Variants in PHC3 observed in about 807,000 individuals in gnomAD.
The protein encoded by PHC3 is polyhomeotic-like protein 3.
A neutral mutation model predicts 107.4 loss-of-function variants in PHC3; 13 were observed. The observed-to-expected ratio is 0.12, with a 90% confidence interval of 0.08 to 0.19. The LOEUF is 0.19. Among genes scored for constraint, PHC3 ranks in the 10% least tolerant of loss-of-function variants. PHC3 has a pLI of 1.00. For missense variants in PHC3, 992 were observed against 1,210.9 expected (o/e 0.82, Z 2.68); for synonymous variants, 456 against 427.4 (o/e 1.07, Z -0.83).
intron 11 of PHC3, among the ~76,000 whole-genome samples, chr3:170,107,447 T>C (rs1377163253): frequency 6.6e-6 from 1 of 152,108 alleles, no homozygotes; most frequent in African/African-American, 2.4e-5. Flanking sequence ...TGCAAAATAA[T>C]TAACTCTCTC....
At chr3:170,126,526 ATAT>A (rs1388134408) in intron 8 of PHC3, among the ~76,000 whole-genome samples, 1,500 of 84,162 alleles carry the variant, frequency 0.018, 24 homozygotes, top group African/African-American at 0.063. Context: ...ATATATATAT[ATAT>A]TTTTTTTTTT....
chr3:170,146,690 G>A (rs1378643286), intron 5 of PHC3, among the ~76,000 whole-genome samples: 5 of 149,190 alleles, frequency 3.4e-5, no homozygotes, highest in Non-Finnish European at 3.0e-5. Flanking sequence ...ACGCCACAAC[G>A]CCCGGCTAAT....
In PHC3 at chr3:170,145,454, G is replaced by A. The variant is rs548261835; in HGVS notation, c.641C>T (p.Ser214Leu). ...QSDIPVVSSS[S>L]SSSCQSAATQ... ...AGCTGCAGACTGACAGGAAGATGAC[G>A]ATGACGACGAGACAACAGGAATGTC... The change falls in exon 6 of 15, where the codon TCG (serine) becomes TTG (leucine). Residue 214 changes from serine (S) to leucine (L), a missense_variant. Coordinates refer to ENST00000495893, the MANE Select transcript of PHC3 (RefSeq NM_024947.4). 6 of 1,613,630 alleles carry A rather than the reference G, an allele frequency of 3.7e-6. No individual in the cohort carries two copies. Among genetic ancestry groups the A allele is most frequent in the East Asian group, 2.2e-5 (1 of 44,874 alleles).
chr3:170,150,696 G>A (rs867230729), intron 4 of PHC3: 1 of 423,290 alleles, frequency 2.4e-6, no homozygotes, highest in Middle Eastern at 3.8e-4. Context: ...CTGGGCGACA[G>A]AGCGACACTC....
chr3:170,116,145 A>G (rs1718925660), intron 10 of PHC3, among the ~76,000 whole-genome samples: 1 of 152,196 alleles, frequency 6.6e-6, no homozygotes, highest in African/African-American at 2.4e-5. Flanking sequence ...CTTCATTTTG[A>G]GCGGGACATT....
chr3:170,102,333 T>C (rs1003212831), intron 14 of PHC3, 146 bp downstream of exon 14: 1 of 1,452,046 alleles, frequency 6.9e-7, no homozygotes, highest in Non-Finnish European at 9.0e-7. Context: ...AGGAAACAGA[T>C]CATATTTCAA....
intron 11 of PHC3, among the ~76,000 whole-genome samples, chr3:170,112,219 AT>A (rs996475015): frequency 4.0e-5 from 6 of 148,282 alleles, no homozygotes; most frequent in Admixed American, 6.7e-5. Flanking sequence ...ACTTTATTTC[AT>A]TTTTTTTTTG....
At position 170,088,121 on chromosome 3, in the gene PHC3, TA is replaced by T. The variant is rs1169266565; in HGVS notation, c.*9108del. On this transcript the variant is annotated 3_prime_UTR_variant, in exon 15 of 15. Transcript: ENST00000495893. ...GAGGACTCTAATACAATATCCAATG[TA>T]AAGAATACATCTATATATAATCTTA... 2.0e-5 allele frequency: 3 copies of T among 152,200 alleles called. No homozygotes were observed. Among genetic ancestry groups the T allele is most frequent in the Non-Finnish European group, 4.4e-5 (3 of 68,020 alleles). The allele number at this position is 152,200 out of a possible 1,614,324, so 9.4% of individuals were successfully genotyped here.
chr3:170,173,505 G>T (rs956601313), intron 2 of PHC3, among the ~76,000 whole-genome samples: 2 of 152,204 alleles, frequency 1.3e-5, no homozygotes, highest in Admixed American at 1.3e-4. Context: ...TAGTAATGTA[G>T]ATCAGTGCTG....
chr3:170,178,249 T>C (rs1171386263), intron 2 of PHC3, among the ~76,000 whole-genome samples: 2 of 151,336 alleles, frequency 1.3e-5, no homozygotes, highest in East Asian at 3.9e-4. Context: ...GTTCACGCCA[T>C]TCTCCTGCCT....
intron 4 of PHC3, among the ~76,000 whole-genome samples, chr3:170,158,806 A>C (rs1256607116): frequency 1.3e-5 from 2 of 151,702 alleles, no homozygotes; most frequent in African/African-American, 4.8e-5. Flanking sequence ...ACACGACTAT[A>C]ATCTCAGCTA....
intron 9 of PHC3, among the ~76,000 whole-genome samples, chr3:170,119,036 T>TAAAAAAAAAAAAAAAAA (rs1002478959): frequency 8.7e-4 from 63 of 72,410 alleles, no homozygotes; most frequent in East Asian, 2.1e-3. Context: ...TATAAAAAGC[T>TAAAAAAAAAAAAAAAAA]AAAAAAAAAA....
intron 9 of PHC3, 62 bp from the exon 10 acceptor site, chr3:170,117,538 A>G: frequency 1.3e-6 from 2 of 1,503,396 alleles, no homozygotes; most frequent in Non-Finnish European, 1.8e-6. Context: ...AGCAAATGAA[A>G]GAGAATTAAG....
intron 12 of PHC3, among the ~76,000 whole-genome samples, chr3:170,106,017 G>T (rs868540109): frequency 2.0e-5 from 3 of 152,254 alleles, no homozygotes; most frequent in African/African-American, 7.2e-5. Flanking sequence ...TTTGAGACCA[G>T]CCTGGCGAAC....
intron 4 of PHC3, among the ~76,000 whole-genome samples, chr3:170,156,260 A>AT (rs892860977): frequency 6.1e-5 from 9 of 147,858 alleles, no homozygotes; most frequent in Admixed American, 6.7e-5. Context: ...CCTATGCAGA[A>AT]TTTTTTTTTT....
intron 7 of PHC3, 31 bp from the exon 8 acceptor site, chr3:170,129,583 G>T: frequency 6.4e-7 from 1 of 1,558,472 alleles, no homozygotes; most frequent in South Asian, 1.2e-5. Context: ...AATTAGTACT[G>T]ATTTCAAAAA....
Position 170,106,924 on chromosome 3 carries a change from A to G in PHC3, c.2376T>C (p.Ser792=), listed in dbSNP as rs1417403919. ...CACAGAATTCACACTTGAGCAACTC[A>G]CTGTCCATTTCTTCTAATGTCTCTA... The part of the protein sequence containing the change: ...IAEETLEEMD[S]ELLKCEFCGK... Residue 792 remains serine, a synonymous_variant, in exon 12 of 15, where the codon AGT becomes AGC. Transcript: ENST00000495893. 7.5e-6 allele frequency: 12 copies of G among 1,608,802 alleles called. No homozygotes were observed. The highest frequency in any genetic ancestry group is 1.0e-5 in the Non-Finnish European group (12 of 1,178,192).
In PHC3 at chr3:170,117,391, T is replaced by A; in HGVS notation, c.2028A>T (p.Pro676=). 6.2e-7 allele frequency: 1 copy of A among 1,613,762 alleles called. No homozygotes were observed. The highest frequency in any genetic ancestry group is 8.5e-7 in the Non-Finnish European group (1 of 1,179,792). Residue 676 remains proline (P), a synonymous_variant, in exon 10 of 15, where the codon CCA becomes CCT. Transcript: ENST00000495893. ...TGGCAGCTGGAAGTAACAATGGAGG[T>A]GGTGGAACAGAAACATGTGAGGGAT... is the stretch of plus-strand genomic sequence containing the variant. ...PSDPSHVSVP[P]PPLLLPAATT...
At chr3:170,166,880 G>T (rs1728821076) in intron 4 of PHC3, among the ~76,000 whole-genome samples, 2 of 151,974 alleles carry the variant, frequency 1.3e-5, no homozygotes, top group Admixed American at 6.6e-5. Context: ...GTCTCAAACT[G>T]CTAGACTCAA....
Sources: gnomAD v4.1 joint callset for allele counts (sites outside exome capture counted in the v4.1 genomes callset) on GRCh38, gnomAD v4.1.1 for gene constraint, MANE v1.5 for transcripts, NCBI Gene and HGNC (gene_info 2026-07-23, HGNC 2026-07-21) for gene names.